Variants in ABCA1 observed in about 807,000 individuals in gnomAD.
ABCA1 encodes the protein phospholipid-transporting ATPase ABCA1.
A neutral mutation model predicts 262.5 loss-of-function variants in ABCA1; 133 were observed. That is an observed-to-expected ratio of 0.51 (90% CI 0.44 to 0.59). The LOEUF (loss-of-function observed/expected upper bound fraction) is 0.59, where lower values mean the gene tolerates loss of function less well. Ranked by LOEUF, ABCA1 falls within the 20% of genes least tolerant of loss-of-function variation. ABCA1 has a pLI of 0.00. For missense variants in ABCA1, 2,452 were observed against 2,777.5 expected (o/e 0.88, Z 2.63); for synonymous variants, 1,022 against 1,043.5 (o/e 0.98, Z 0.40).
In ABCA1 at chr9:104,788,502, G is replaced by A; in HGVS notation, c.5993C>T (p.Thr1998Ile). 1 of 1,614,172 alleles carries A rather than the reference G, an allele frequency of 6.2e-7. No homozygotes were observed. The highest frequency in any genetic ancestry group is 8.5e-7 in the Non-Finnish European group (1 of 1,180,016). ...GTGTTCTCTCCCAGTCAACAGCTCTGTGATGGCATCAAACTGAGGGCAGTA... is the reference window on the plus strand; with the variant it reads ...GTGTTCTCTCCCAGTCAACAGCTCTATGATGGCATCAAACTGAGGGCAGTA... ...MGYCPQFDAI[T>I]ELLTGREHVE... The change falls in exon 45 of 50, where the codon ACA becomes ATA. Residue 1998 changes from threonine to isoleucine, a missense_variant. By Grantham distance (89) the Thr-to-Ile change is moderately conservative (BLOSUM62 -1). Around this residue, in one of 4 missense-constraint regions of ABCA1, gnomAD observed 752 missense variants for 944.5 expected, o/e 0.80. Transcript: ENST00000374736.
intron 32 of ABCA1, 135 bp from the exon 33 acceptor site, chr9:104,803,451 G>T: frequency 1.1e-6 from 1 of 909,252 alleles, no homozygotes; most frequent in East Asian, 2.5e-5. Context: ...TGGCCTTGTA[G>T]GGTTGTGCTA....
At chr9:104,893,526 T>C (rs1024735480) in intron 2 of ABCA1, among the ~76,000 whole-genome samples, 35 of 144,800 alleles carry the variant, frequency 2.4e-4, no homozygotes, top group African/African-American at 8.4e-4. Context: ...TAAATAGCCA[T>C]CAGCCTTGAA....
At chr9:104,865,884 G>A (rs972772464) in intron 5 of ABCA1, among the ~76,000 whole-genome samples, 5 of 152,132 alleles carry the variant, frequency 3.3e-5, no homozygotes, top group Admixed American at 6.5e-5. Context: ...CCCTGCCTTC[G>A]AGGAACTTTC....
chr9:104,800,148 G>A (rs1830210665), intron 35 of ABCA1, among the ~76,000 whole-genome samples, 160 bp from the exon 36 acceptor site: 1 of 152,170 alleles, frequency 6.6e-6, no homozygotes, highest in Non-Finnish European at 1.5e-5. Context: ...TAATTACAGT[G>A]TTCAGGACAT....
rs374622865 is a variant in ABCA1, at chr9:104,796,691, C to T, written c.5122-267G>A. The stretch of plus-strand genomic sequence containing the variant: ...TGTCACACTCAGTAAACTTACTGAA[C>T]GATGGATTCCCAGTCAGAGTAATTT... On this transcript the variant is annotated intron_variant, in intron 37 of 49. Coordinates refer to ENST00000374736, the MANE Select transcript of ABCA1 (RefSeq NM_005502.4). 1.0e-3 allele frequency among the ~76,000 whole-genome samples: 157 copies of T among 152,274 alleles called. 2 individuals are homozygous for T. In the South Asian group the frequency reaches 0.027, roughly 26 times the overall value.
In ABCA1 at chr9:104,855,672, G is replaced by A. The variant is rs1258086642; in HGVS notation, c.720+2850C>T. 4.0e-6 allele frequency: 6 copies of A among 1,487,450 alleles called. No individual in the cohort carries two copies. The East Asian group carries it at 1.2e-4, about 31-fold the overall frequency. The allele number at this position is 1,487,450 out of a possible 1,614,324, so 92.1% of individuals were successfully genotyped here. On this transcript the variant is annotated intron_variant, in intron 7 of 49. Coordinates refer to ENST00000374736, the MANE Select transcript of ABCA1 (RefSeq NM_005502.4). The stretch of plus-strand genomic sequence containing the variant: ...CAACAAAGAGTCAAATATATTATGT[G>A]TATGTAGAAGAAGAGAAAACTGAGG...
At chr9:104,816,510 G>T (rs1421894239) in intron 24 of ABCA1, among the ~76,000 whole-genome samples, 165 bp from the exon 25 acceptor site, 2 of 151,998 alleles carry the variant, frequency 1.3e-5, no homozygotes, top group African/African-American at 2.4e-5. Flanking sequence ...AGGGTTGGGG[G>T]CAAAGGAAAG....
intron 1 of ABCA1, among the ~76,000 whole-genome samples, chr9:104,913,851 A>T (rs534107995): frequency 6.6e-6 from 1 of 152,148 alleles, no homozygotes. Context: ...GCTGGAGTGC[A>T]GTGGCGCGAT....
At chr9:104,887,761 CTG>C (rs1475976276) in intron 3 of ABCA1, among the ~76,000 whole-genome samples, 1 of 125,008 alleles carries the variant, frequency 8.0e-6, no homozygotes, top group African/African-American at 3.1e-5. Flanking sequence ...GAGTCTCACT[CTG>C]TTGCCCAGGC....
intron 5 of ABCA1, among the ~76,000 whole-genome samples, chr9:104,881,492 A>G (rs1838650897): frequency 6.6e-6 from 1 of 152,206 alleles, no homozygotes; most frequent in African/African-American, 2.4e-5. Flanking sequence ...ATCATAATTC[A>G]TATTCACTAA....
intron 7 of ABCA1, among the ~76,000 whole-genome samples, chr9:104,851,218 G>A (rs1441708493): frequency 6.6e-6 from 1 of 152,118 alleles, no homozygotes; most frequent in African/African-American, 2.4e-5. Flanking sequence ...CTGCTCCAAA[G>A]GCCATTCACA....
Position 104,865,515 on chromosome 9 carries a change from C to CAAAAAAAA in ABCA1, c.422-3723_422-3716dup, listed in dbSNP as rs925876847. Among the ~76,000 whole-genome samples the CAAAAAAAA allele has an allele frequency of 6.7e-3, 448 of 66,938 alleles. 11 individuals carry two copies. The highest frequency in any genetic ancestry group is 0.023 in the African/African-American group (422 of 18,668). 43.9% of individuals were successfully genotyped at this position (66,938 alleles called of 152,430 possible). A position where few individuals can be genotyped will look rare whatever the true frequency, so the allele number is the denominator to read the frequency against. On this transcript the variant is annotated intron_variant, in intron 5 of 49. Transcript: ENST00000374736. ...TGGGTGACAGAGCGAGACTCTGTCT[C>CAAAAAAAA]AAAAAAAAAAAAAAAAAGAATTTAA...
In ABCA1 at chr9:104,810,911, G is replaced by T. The variant is rs1394718455; in HGVS notation, c.4064C>A (p.Ala1355Asp). The change falls in exon 29 of 50, where the codon GCT (alanine) becomes GAT (aspartate). Residue 1355 changes from alanine to aspartate, a missense_variant. By Grantham distance (126) the Ala-to-Asp change is moderately radical. Around this residue, in one of 4 missense-constraint regions of ABCA1, gnomAD observed 665 missense variants for 727.3 expected, o/e 0.91. Transcript: ENST00000374736. ...KGFFAQIVLPAVFVCIALVFS... is the reference protein window; with the variant it reads ...KGFFAQIVLPDVFVCIALVFS... ...CACAAGGGCAATGCAGACAAACACA[G>T]CTGGCAAGACAATCTTTACCCAGGC... is the stretch of plus-strand genomic sequence containing the variant. 1 of 1,614,108 alleles carries T rather than the reference G, an allele frequency of 6.2e-7. No individual in the cohort carries two copies. The highest frequency in any genetic ancestry group is 2.2e-5 in the East Asian group (1 of 44,890).
At chr9:104,903,539 C>G (rs1840838005) in intron 2 of ABCA1, 75 bp downstream of exon 2, 1 of 1,431,386 alleles carries the variant, frequency 7.0e-7, no homozygotes. Flanking sequence ...TCCCTCCCTC[C>G]CTCCTCCAAT....
intron 10 of ABCA1, 79 bp from the exon 11 acceptor site, chr9:104,837,175 A>T: frequency 1.6e-6 from 2 of 1,245,424 alleles, no homozygotes; most frequent in East Asian, 4.7e-5. Flanking sequence ...CCTCCCTGAA[A>T]AGATACCCCA....
intron 7 of ABCA1, among the ~76,000 whole-genome samples, chr9:104,852,407 T>C (rs553075291): frequency 3.3e-5 from 5 of 152,364 alleles, no homozygotes; most frequent in African/African-American, 9.6e-5. Context: ...AACCTAAATA[T>C]TAACTTTCAA....
chr9:104,882,028 TAAAAAAAAAAAAAAAA>T (rs557626075), intron 5 of ABCA1, among the ~76,000 whole-genome samples: 2 of 73,748 alleles, frequency 2.7e-5, no homozygotes, highest in African/African-American at 4.9e-5. Flanking sequence ...TCTGTAGCCT[TAAAAAAAAAAAAAAAA>T]AAAAAAAAAA....
At chr9:104,877,963 C>T (rs1487663057) in intron 5 of ABCA1, among the ~76,000 whole-genome samples, 1 of 152,194 alleles carries the variant, frequency 6.6e-6, no homozygotes, top group African/African-American at 2.4e-5. Flanking sequence ...GAACATCCTC[C>T]TAAGCAATAA....
At chr9:104,844,720 T>C (rs1014773729) in intron 8 of ABCA1, among the ~76,000 whole-genome samples, 1 of 152,192 alleles carries the variant, frequency 6.6e-6, no homozygotes, top group African/African-American at 2.4e-5. Flanking sequence ...TTTTCCAATA[T>C]CCTACACGTT....
Sources: gnomAD v4.1 joint callset for allele counts (sites outside exome capture counted in the v4.1 genomes callset) on GRCh38, gnomAD v4.1.1 for gene constraint, gnomAD v4.1.1 regional missense constraint, MANE v1.5 for transcripts, NCBI Gene and HGNC (gene_info 2026-07-23, HGNC 2026-07-21) for gene names.